NUP54: variants seen among roughly 807,000 people sequenced by gnomAD.
NUP54 encodes the protein nucleoporin p54.
NUP54 carries 27 observed loss-of-function variants against 66.4 expected under a neutral mutation model. That is an observed-to-expected ratio of 0.41 (90% CI 0.30 to 0.56). The LOEUF is 0.56. Among genes scored for constraint, NUP54 ranks in the 20% least tolerant of loss-of-function variants. The pLI is 0.34. For synonymous variants in NUP54, 206 were observed against 210.7 expected, an observed-to-expected ratio of 0.98 and a Z score of 0.19; for missense variants, 486 against 596.3, an observed-to-expected ratio of 0.82 and a Z score of 1.93.
At chr4:76,146,882 C>T (rs1455746307) in intron 1 of NUP54, among the ~76,000 whole-genome samples, 1 of 152,208 alleles carries the variant, frequency 6.6e-6, no homozygotes, top group Non-Finnish European at 1.5e-5. Context: ...CTAAACTGCT[C>T]TCTTTGAGCA....
Position 76,134,264 on chromosome 4 carries a change from T to C in NUP54, c.621A>G (p.Gln207=). ...KKETEIRSQQ[Q]QLVESLHKVL... ...CTTTATGCAATGATTCTACCAACTG[T>C]TGTTGTTGGCTTCGAATCTCTGTTT... is the stretch of plus-strand genomic sequence containing the variant. Residue 207 remains glutamine (Q), a synonymous_variant, in exon 5 of 12, where the codon CAA becomes CAG. Transcript: ENST00000264883. The C allele has an allele frequency of 6.2e-7, 1 of 1,613,532 alleles. No individual in the cohort carries two copies. The highest frequency in any genetic ancestry group is 8.5e-7 in the Non-Finnish European group (1 of 1,179,524).
At chr4:76,147,121 A>T (rs1447618456) in intron 1 of NUP54, among the ~76,000 whole-genome samples, 1 of 152,220 alleles carries the variant, frequency 6.6e-6, no homozygotes, top group Non-Finnish European at 1.5e-5. Context: ...ATGCAGAAAA[A>T]ATGAAAAATG....
intron 1 of NUP54, chr4:76,145,978 C>T: frequency 3.2e-6 from 1 of 308,656 alleles, no homozygotes; most frequent in South Asian, 2.8e-5. Context: ...ATAAAAGTCA[C>T]CCACAGTACT....
chr4:76,145,539 A>G, intron 1 of NUP54: 1 of 1,249,028 alleles, frequency 8.0e-7, no homozygotes, highest in Non-Finnish European at 1.0e-6. Flanking sequence ...CAAAGGAAGC[A>G]TACCAATATA....
chr4:76,126,821 GC>G lies in NUP54; in HGVS notation c.1057-2066del, dbSNP rs570780195. On this transcript the variant is annotated intron_variant, in intron 8 of 11. Transcript: ENST00000264883. ...ATTCAATTCCCACAAATTAGTCTTT[GC>G]ATTTAATGCAATTCCAACCATAATT... Among the ~76,000 whole-genome samples, 58 of 152,258 alleles carry G rather than the reference GC, an allele frequency of 3.8e-4. 1 individual carries two copies. Among genetic ancestry groups the G allele is most frequent in the African/African-American group, 1.3e-3 (52 of 41,550 alleles).
chr4:76,115,451 A>G lies in NUP54; in HGVS notation c.1439T>C (p.Ile480Thr), dbSNP rs372629373. ...TATATCTTCTAGATCGTCTTTAATG[A>G]TGCTAATCAAATGGCTAAGGCCTTC... The part of the protein sequence containing the change: ...QQEGLSHLIS[I>T]IKDDLEDIKL... The change falls in exon 12 of 12, where the codon ATC becomes ACC. Residue 480 changes from isoleucine (I) to threonine (T), a missense_variant. Physicochemically the swap from Ile to Thr is moderately conservative, Grantham distance 89. Coordinates refer to ENST00000264883, the MANE Select transcript of NUP54 (RefSeq NM_017426.4). The G allele has an allele frequency of 6.2e-6, 10 of 1,611,078 alleles. No individual in the cohort carries two copies. Among genetic ancestry groups the G allele is most frequent in the Non-Finnish European group, 8.5e-6 (10 of 1,178,752 alleles).
intron 9 of NUP54, among the ~76,000 whole-genome samples, chr4:76,119,005 C>CA (rs1032715220): frequency 1.2e-4 from 18 of 151,770 alleles, no homozygotes; most frequent in African/African-American, 3.6e-4. Flanking sequence ...GACTCTGTCT[C>CA]AAAAAACAGA....
chr4:76,126,284 C>A (rs939912137), intron 8 of NUP54, among the ~76,000 whole-genome samples: 2 of 152,300 alleles, frequency 1.3e-5, no homozygotes, highest in Non-Finnish European at 2.9e-5. Context: ...ATTAAAGCAT[C>A]CCAATCAGAA....
chr4:76,140,120 G>A (rs145684111), intron 3 of NUP54, among the ~76,000 whole-genome samples: 234 of 152,038 alleles, frequency 1.5e-3, no homozygotes, highest in African/African-American at 5.4e-3. Flanking sequence ...ACTGGGGAAC[G>A]GAGTACAGCT....
At chr4:76,125,901 C>T (rs2109870533) in intron 8 of NUP54, among the ~76,000 whole-genome samples, 1 of 146,244 alleles carries the variant, frequency 6.8e-6, no homozygotes, top group Admixed American at 6.8e-5. Flanking sequence ...AGAGACCTAT[C>T]TCAAAAGGAA....
chr4:76,118,575 G>GGGCGGGGGGC lies in NUP54; in HGVS notation c.1165-382_1165-381insGCCCCCCGCC, dbSNP rs1321536710. Reference sequence around the variant, plus strand: ...TTTTTAATTTTTTTGTGGCGGGGTGGGGGGGGGGGTCTCACTATGTGGCCC... The same window carrying GGGCGGGGGGC: ...TTTTTAATTTTTTTGTGGCGGGGTGGGGCGGGGGGCGGGGGGGGGTCTCACTATGTGGCCC... On this transcript the variant is annotated intron_variant, in intron 9 of 11. Transcript: ENST00000264883. 2.2e-4 allele frequency: 17 copies of GGGCGGGGGGC among 78,138 alleles called. 2 individuals carry two copies. Among genetic ancestry groups the GGGCGGGGGGC allele is most frequent in the African/African-American group, 6.8e-4 (17 of 25,096 alleles). The allele number at this position is 78,138 out of a possible 1,614,324, so 4.8% of individuals were successfully genotyped here. A position where few individuals can be genotyped will look rare whatever the true frequency, so the allele number is the denominator to read the frequency against.
chr4:76,115,894 GT>G (rs534800358), intron 11 of NUP54, among the ~76,000 whole-genome samples: 5 of 151,640 alleles, frequency 3.3e-5, no homozygotes, highest in Admixed American at 2.6e-4. Flanking sequence ...AGTGATAATG[GT>G]GGTGATGACT....
Position 76,144,475 on chromosome 4 carries a change from T to A in NUP54, c.68-2A>T. On this transcript the variant is annotated splice_acceptor_variant, in intron 1 of 11. Coordinates refer to ENST00000264883, the MANE Select transcript of NUP54 (RefSeq NM_017426.4). LOFTEE classifies it high-confidence loss of function. Reference sequence around the variant, plus strand: ...TTGTCCCAAATCCTCCAAACCCACCTAATTAAAAAAGAACAAAAATAGAAA... The same window carrying A: ...TTGTCCCAAATCCTCCAAACCCACCAAATTAAAAAAGAACAAAAATAGAAA... 1 of 1,577,364 alleles carries A rather than the reference T, an allele frequency of 6.3e-7. No homozygotes were observed. Among genetic ancestry groups the A allele is most frequent in the Non-Finnish European group, 8.6e-7 (1 of 1,168,470 alleles).
chr4:76,123,772 C>T (rs1258418349), intron 9 of NUP54, among the ~76,000 whole-genome samples: 1 of 152,148 alleles, frequency 6.6e-6, no homozygotes, highest in African/African-American at 2.4e-5. Context: ...CCTCGGCCTC[C>T]CAAAGTTCTA....
rs954995512 is a variant in NUP54, at chr4:76,115,290, T to C, written c.*76A>G. 63 of 1,280,210 alleles carry C rather than the reference T, an allele frequency of 4.9e-5. No individual in the cohort carries two copies. Among genetic ancestry groups the C allele is most frequent in the Non-Finnish European group, 6.4e-5 (62 of 966,994 alleles). 79.3% of individuals were successfully genotyped at this position (1,280,210 alleles called of 1,614,324 possible). A position where few individuals can be genotyped will look rare whatever the true frequency, so the allele number is the denominator to read the frequency against. ...TTGTTTTCTTTTTCCCTCCATGTGG[T>C]CGGTTTCATTCTTAAGGAAGGTCTG... On this transcript the variant is annotated 3_prime_UTR_variant, in exon 12 of 12. Transcript: ENST00000264883.
intron 6 of NUP54, among the ~76,000 whole-genome samples, 196 bp from the exon 7 acceptor site, chr4:76,131,480 T>C (rs1255222456): frequency 2.6e-5 from 4 of 152,022 alleles, no homozygotes; most frequent in African/African-American, 7.2e-5. Context: ...AAAGGAACTA[T>C]CTATAACCTA....
chr4:76,140,048 G>A (rs112121126), intron 3 of NUP54, among the ~76,000 whole-genome samples: 14 of 152,176 alleles, frequency 9.2e-5, no homozygotes, highest in African/African-American at 3.4e-4. Flanking sequence ...TGTTGTTGTT[G>A]TTATTACTGT....
Position 76,132,581 on chromosome 4 carries a change from C to A in NUP54, c.849G>T (p.Met283Ile). The change falls in exon 6 of 12, where the codon ATG (methionine) becomes ATT (isoleucine). Residue 283 changes from methionine (M) to isoleucine (I), a missense_variant. Met to Ile is a conservative substitution (Grantham distance 10). This residue lies in a region of NUP54 where 217 missense variants were observed against 247.9 expected (regional missense o/e 0.88). Transcript: ENST00000264883. ...GTGCAGGAGAAAGTTCTGTTCTAGT[C>A]ATAGAAAGGGTTACACCAAGTTGCT... is the stretch of plus-strand genomic sequence containing the variant. ...QLQQLGVTLS[M>I]TRTELSPAQI... The A allele has an allele frequency of 6.2e-7, 1 of 1,613,924 alleles. No individual in the cohort carries two copies. Among genetic ancestry groups the A allele is most frequent in the Non-Finnish European group, 8.5e-7 (1 of 1,179,968 alleles).
chr4:76,116,249 G>A (rs1439564057), intron 11 of NUP54, among the ~76,000 whole-genome samples: 1 of 152,096 alleles, frequency 6.6e-6, no homozygotes, highest in Non-Finnish European at 1.5e-5. Context: ...TTAAAACAAT[G>A]GAATATAATT....
Sources: gnomAD v4.1 joint callset for allele counts (sites outside exome capture counted in the v4.1 genomes callset) on GRCh38, gnomAD v4.1.1 for gene constraint, gnomAD v4.1.1 regional missense constraint, MANE v1.5 for transcripts, NCBI Gene and HGNC (gene_info 2026-07-23, HGNC 2026-07-21) for gene names.